USP39: variants seen among roughly 807,000 people sequenced by gnomAD.
USP39 encodes ubiquitin specific peptidase 39.
A neutral mutation model predicts 66.4 loss-of-function variants in USP39; 38 were observed. That is an observed-to-expected ratio of 0.57 (90% CI 0.44 to 0.75). USP39 has a LOEUF of 0.75. Ranked by LOEUF, USP39 falls within the 30% of genes least tolerant of loss-of-function variation. USP39 has a pLI of 0.00. For synonymous variants in USP39, 303 were observed against 274.6 expected, an observed-to-expected ratio of 1.10 and a Z score of -1.02; for missense variants, 608 against 714.4, an observed-to-expected ratio of 0.85 and a Z score of 1.70.
upstream of USP39, chr2:85,609,061 C>A: frequency 6.2e-7 from 1 of 1,614,210 alleles, no homozygotes; most frequent in Non-Finnish European, 8.5e-7. Flanking sequence ...TTTCCTGGGT[C>A]ATCACCCTAC....
intron 2 of USP39, 96 bp downstream of exon 2, chr2:85,619,385 T>C (rs1042997035): frequency 7.4e-6 from 10 of 1,355,548 alleles, no homozygotes; most frequent in Non-Finnish European, 1.0e-5. Flanking sequence ...TGACAAACTT[T>C]ACTTTTTTTG....
rs531573822 is a variant in USP39, at chr2:85,637,494, G to A, written c.1095+58G>A. 1.0e-4 allele frequency: 156 copies of A among 1,555,308 alleles called. 4 individuals are homozygous for A. The South Asian group carries it at 1.5e-3, about 15-fold the overall frequency. ...TCATATTGCTTGAGGGGACGTAGGG[G>A]AGATGAAGAGATGCTCAGAGAACTG... On this transcript the variant is annotated intron_variant, in intron 8 of 12. Coordinates refer to ENST00000323701, the MANE Select transcript of USP39 (RefSeq NM_006590.4).
chr2:85,615,377 G>C (rs746686113), upstream of USP39, among the ~76,000 whole-genome samples: 1 of 152,094 alleles, frequency 6.6e-6, no homozygotes, highest in Admixed American at 6.6e-5. Context: ...TCAATGGAAC[G>C]GTTCAAACAA....
chr2:85,609,533 T>G (rs1268701680), upstream of USP39: 1 of 1,614,070 alleles, frequency 6.2e-7, no homozygotes, highest in Admixed American at 1.7e-5. Flanking sequence ...CCTCCACTAC[T>G]GCTGCTTTCA....
intron 10 of USP39, among the ~76,000 whole-genome samples, chr2:85,644,227 G>T (rs913198719): frequency 2.0e-5 from 3 of 152,054 alleles, no homozygotes; most frequent in Non-Finnish European, 2.9e-5. Context: ...GTGATAACAT[G>T]GTTTTGTTTC....
At chr2:85,646,036 A>T (rs957693370) in intron 11 of USP39, 4 of 152,198 alleles carry the variant, frequency 2.6e-5, no homozygotes, top group African/African-American at 4.8e-5. Flanking sequence ...TGGACCAATA[A>T]CATCAGCATC....
At chr2:85,642,367 A>G (rs1175712284) in intron 10 of USP39, among the ~76,000 whole-genome samples, 1 of 152,150 alleles carries the variant, frequency 6.6e-6, no homozygotes, top group Non-Finnish European at 1.5e-5. Context: ...TCAAAGTTTT[A>G]TTTCAGCACT....
At chr2:85,633,245 C>T (rs1002409513) in intron 6 of USP39, among the ~76,000 whole-genome samples, 10 of 152,042 alleles carry the variant, frequency 6.6e-5, no homozygotes, top group Non-Finnish European at 1.3e-4. Context: ...CTCAGCCTCC[C>T]GAGTAGCTGG....
intron 6 of USP39, among the ~76,000 whole-genome samples, chr2:85,635,473 T>C (rs1675693652): frequency 6.6e-6 from 1 of 152,056 alleles, no homozygotes; most frequent in East Asian, 1.9e-4. Context: ...GGTGGGAGAA[T>C]CGCTTGAACC....
chr2:85,626,319 A>G (rs956655002), intron 5 of USP39, among the ~76,000 whole-genome samples: 2 of 152,202 alleles, frequency 1.3e-5, no homozygotes, highest in Non-Finnish European at 2.9e-5. Context: ...AGATCACGTC[A>G]CTGCACTCCA....
At chr2:85,631,868 C>T (rs1312760220) in intron 6 of USP39, among the ~76,000 whole-genome samples, 4 of 152,052 alleles carry the variant, frequency 2.6e-5, no homozygotes, top group Admixed American at 2.6e-4. Flanking sequence ...CCTGCCTCAG[C>T]CTCCCAAGTA....
chr2:85,612,199 C>G (rs1376135811), upstream of USP39: 1 of 1,084,922 alleles, frequency 9.2e-7, no homozygotes, highest in Non-Finnish European at 1.3e-6. Flanking sequence ...ACCCCCCGGA[C>G]GGAGGGCTTT....
upstream of USP39, among the ~76,000 whole-genome samples, chr2:85,613,291 G>A (rs868123593): frequency 2.0e-5 from 3 of 152,222 alleles, no homozygotes; most frequent in Middle Eastern, 3.4e-3. Context: ...GGCAGATCAA[G>A]AGGTCAGGAG....
chr2:85,636,212 A>T, intron 7 of USP39, 82 bp downstream of exon 7: 2 of 1,344,482 alleles, frequency 1.5e-6, no homozygotes, highest in Non-Finnish European at 2.1e-6. Flanking sequence ...TCATGCCTAT[A>T]ATCCCAGCTC....
chr2:85,612,070 C>T, upstream of USP39: 1 of 1,096,496 alleles, frequency 9.1e-7, no homozygotes, highest in South Asian at 1.7e-5. Flanking sequence ...GCCCCTTGCT[C>T]AGCTTCCGGC....
At chr2:85,617,453 C>T in intron 1 of USP39, among the ~76,000 whole-genome samples, 1 of 152,158 alleles carries the variant, frequency 6.6e-6, no homozygotes, top group Non-Finnish European at 1.5e-5. Context: ...CTCCTGGACT[C>T]TCGTTAAGGA....
chr2:85,619,433 CCTT>C, intron 2 of USP39, 144 bp downstream of exon 2: 1 of 777,350 alleles, frequency 1.3e-6, no homozygotes, highest in Non-Finnish European at 2.0e-6. Flanking sequence ...CCATGTTACT[CCTT>C]ATTCTTTGAT....
At chr2:85,627,186 C>T (rs1481208540) in intron 5 of USP39, among the ~76,000 whole-genome samples, 1 of 151,724 alleles carries the variant, frequency 6.6e-6, no homozygotes, top group African/African-American at 2.4e-5. Context: ...AACCTCTGCT[C>T]CCCAGGTTCA....
intron 8 of USP39, among the ~76,000 whole-genome samples, chr2:85,637,971 A>G (rs1471110761): frequency 2.0e-5 from 3 of 152,170 alleles, no homozygotes; most frequent in Non-Finnish European, 2.9e-5. Context: ...TGCTGGGATT[A>G]CAGGCGTGAG....
Sources: allele counts gnomAD v4.1 joint callset (sites outside exome capture counted in the v4.1 genomes callset), GRCh38; gene constraint gnomAD v4.1.1; transcripts MANE v1.5; gene names NCBI Gene and HGNC (gene_info 2026-07-23, HGNC 2026-07-21).